FAM91A1: variants seen among roughly 807,000 people sequenced by gnomAD.
FAM91A1 encodes the protein protein FAM91A1.
A neutral mutation model predicts 113.5 loss-of-function variants in FAM91A1; 41 were observed. That is an observed-to-expected ratio of 0.36 (90% CI 0.28 to 0.47). The LOEUF (loss-of-function observed/expected upper bound fraction) is 0.47, where lower values mean the gene tolerates loss of function less well. Among genes scored for constraint, FAM91A1 ranks in the 20% least tolerant of loss-of-function variants. FAM91A1 has a pLI of 1.00. For synonymous variants in FAM91A1, 307 were observed against 347.9 expected (o/e 0.88, Z 1.31); for missense variants, 696 against 1,001.2 (o/e 0.70, Z 4.11).
At chr8:123,773,900 T>C (rs933365861) in intron 1 of FAM91A1, among the ~76,000 whole-genome samples, 180 bp from the exon 2 acceptor site, 1 of 152,210 alleles carries the variant, frequency 6.6e-6, no homozygotes, top group Non-Finnish European at 1.5e-5. Flanking sequence ...ATTTTTGCTC[T>C]GAATACTGTA....
intron 4 of FAM91A1, 123 bp from the exon 5 acceptor site, chr8:123,777,902 A>G (rs1275201709): frequency 9.6e-6 from 7 of 730,492 alleles, no homozygotes; most frequent in Admixed American, 3.2e-5. Context: ...TTAATTTGAT[A>G]TTGATATTTG....
intron 8 of FAM91A1, 117 bp downstream of exon 8, chr8:123,780,659 G>A (rs72715031): frequency 0.02 from 15,414 of 764,416 alleles, 209 homozygotes; most frequent in East Asian, 0.039. Context: ...ATATTGCTTC[G>A]TTATTACATT....
chr8:123,780,139 A>G, intron 7 of FAM91A1, 64 bp downstream of exon 7: 1 of 1,305,682 alleles, frequency 7.7e-7, no homozygotes, highest in South Asian at 1.2e-5. Flanking sequence ...ATCAATAATT[A>G]CTAGCAATTA....
chr8:123,794,790 G>A (rs993449674), intron 15 of FAM91A1, among the ~76,000 whole-genome samples: 20 of 152,156 alleles, frequency 1.3e-4, no homozygotes, highest in African/African-American at 4.8e-4. Context: ...CCCAAGAAGC[G>A]GAGAAAAGTA....
intron 18 of FAM91A1, among the ~76,000 whole-genome samples, 176 bp from the exon 19 acceptor site, chr8:123,805,091 T>C (rs1160279950): frequency 6.6e-6 from 1 of 152,206 alleles, no homozygotes; most frequent in Non-Finnish European, 1.5e-5. Flanking sequence ...TTATAGATTA[T>C]TATACACATA....
At chr8:123,809,924 G>A (rs1442670096) in intron 22 of FAM91A1, among the ~76,000 whole-genome samples, 1 of 152,120 alleles carries the variant, frequency 6.6e-6, no homozygotes, top group Non-Finnish European at 1.5e-5. Context: ...AATTACTTTG[G>A]TTGTTTAAAG....
rs1816023086 is a variant in FAM91A1, at chr8:123,814,350, T to G, written c.*1646T>G. 1 of 216,800 alleles carries G rather than the reference T, an allele frequency of 4.6e-6. No individual in the cohort carries two copies. The highest frequency in any genetic ancestry group is 9.2e-6 in the Non-Finnish European group (1 of 108,174). 13.4% of individuals were successfully genotyped at this position (216,800 alleles called of 1,614,324 possible). A position where few individuals can be genotyped will look rare whatever the true frequency, so the allele number is the denominator to read the frequency against. On this transcript the variant is annotated 3_prime_UTR_variant, in exon 24 of 24. Transcript: ENST00000334705. ...CAGCTGAAAGTTGTAAGTATTTTTT[T>G]TTTTTGATCGGGGCTCTTTAATCTC...
intron 15 of FAM91A1, among the ~76,000 whole-genome samples, chr8:123,790,922 G>T (rs1402364627): frequency 6.6e-6 from 1 of 152,168 alleles, no homozygotes; most frequent in East Asian, 1.9e-4. Context: ...ATTTGTTGAT[G>T]GATAACCATT....
intron 8 of FAM91A1, among the ~76,000 whole-genome samples, chr8:123,783,324 A>G (rs975778135): frequency 4.0e-5 from 6 of 151,376 alleles, no homozygotes; most frequent in African/African-American, 1.5e-4. Flanking sequence ...AAATGCTATT[A>G]TTATTTACAT....
chr8:123,807,504 A>G (rs1815841084), intron 20 of FAM91A1, among the ~76,000 whole-genome samples: 1 of 149,180 alleles, frequency 6.7e-6, no homozygotes, highest in South Asian at 2.1e-4. Context: ...AAAAAAAAAG[A>G]AACAAAAAAG....
chr8:123,779,429 G>A (rs1013762781), intron 6 of FAM91A1, among the ~76,000 whole-genome samples: 8 of 152,328 alleles, frequency 5.3e-5, no homozygotes, highest in Middle Eastern at 3.4e-3. Context: ...AAGGGGTGGA[G>A]TAATGAGGGC....
intron 18 of FAM91A1, among the ~76,000 whole-genome samples, chr8:123,800,958 G>C (rs1815662905): frequency 6.6e-6 from 1 of 151,950 alleles, no homozygotes; most frequent in Non-Finnish European, 1.5e-5. Flanking sequence ...TCACCTTTTG[G>C]CCATTATGAA....
At chr8:123,780,776 C>T (rs1815101579) in intron 8 of FAM91A1, among the ~76,000 whole-genome samples, 3 of 152,068 alleles carry the variant, frequency 2.0e-5, no homozygotes, top group Admixed American at 2.0e-4. Context: ...CTAACAATCC[C>T]AAATCAAATC....
chr8:123,807,748 A>G (rs1339679177), intron 20 of FAM91A1, among the ~76,000 whole-genome samples: 1 of 152,196 alleles, frequency 6.6e-6, no homozygotes, highest in Non-Finnish European at 1.5e-5. Flanking sequence ...ACAGTAGTTC[A>G]TTGTGGCCAA....
intron 8 of FAM91A1, among the ~76,000 whole-genome samples, chr8:123,782,113 A>T (rs7839037): frequency 6.6e-6 from 1 of 152,336 alleles, no homozygotes; most frequent in East Asian, 1.9e-4. Context: ...AACTTTTAAT[A>T]TTACTTATGG....
intron 13 of FAM91A1, 24 bp from the exon 14 acceptor site, chr8:123,787,640 T>G (rs1472083335): frequency 6.3e-7 from 1 of 1,582,996 alleles, no homozygotes; most frequent in African/African-American, 1.4e-5. Flanking sequence ...AGTAGAACTT[T>G]AATATTTTGT....
At chr8:123,800,914 T>C (rs560993115) in intron 18 of FAM91A1, among the ~76,000 whole-genome samples, 1 of 152,344 alleles carries the variant, frequency 6.6e-6, no homozygotes, top group South Asian at 2.1e-4. Flanking sequence ...ATTTTGTTTA[T>C]TCCTCCATCA....
chr8:123,793,289 A>G (rs1364839376), intron 15 of FAM91A1, among the ~76,000 whole-genome samples: 1 of 152,154 alleles, frequency 6.6e-6, no homozygotes, highest in Admixed American at 6.5e-5. Context: ...GAGACCATGC[A>G]GATATCCCAC....
At chr8:123,796,829 C>T (rs1476283593) in intron 15 of FAM91A1, among the ~76,000 whole-genome samples, 3 of 149,838 alleles carry the variant, frequency 2.0e-5, no homozygotes, top group African/African-American at 7.3e-5. Context: ...TTTGGGAGGC[C>T]GAGGTGGGCA....
Sources: allele counts gnomAD v4.1 joint callset (sites outside exome capture counted in the v4.1 genomes callset), GRCh38; gene constraint gnomAD v4.1.1; transcripts MANE v1.5; gene names NCBI Gene and HGNC (gene_info 2026-07-23, HGNC 2026-07-21).